The following DPYSL3 variants were observed in gnomAD, a reference collection of about 807,000 sequenced individuals.
The protein encoded by DPYSL3 is dihydropyrimidinase-related protein 3.
In DPYSL3, 16 loss-of-function variants were observed where a neutral mutation model predicts 66.1. The observed-to-expected ratio is 0.24, with a 90% CI of 0.16 to 0.37. The LOEUF is 0.37. Ranked by LOEUF, DPYSL3 falls within the 10% of genes least tolerant of loss-of-function variation. The pLI, the probability that DPYSL3 is intolerant of heterozygous loss-of-function variation, is 1.00. For missense variants in DPYSL3, 738 were observed against 916.2 expected (o/e 0.81, Z 2.51); for synonymous variants, 338 against 345.1 (o/e 0.98, Z 0.23).
At position 147,477,561 on chromosome 5, in the gene DPYSL3, CTTTTTTTTTTTTTTTT is replaced by C. The variant is rs56406515; in HGVS notation, c.381+31901_381+31916del. Among the ~76,000 whole-genome samples the C allele has an allele frequency of 6.2e-5, 4 of 64,762 alleles. No individual in the cohort carries two copies. In the South Asian group the frequency reaches 2.4e-3, roughly 39 times the overall value. The allele number at this position is 64,762 out of a possible 152,430, so 42.5% of individuals were successfully genotyped here. On this transcript the variant is annotated intron_variant, in intron 1 of 13. Transcript: ENST00000343218. Reference sequence around the variant, plus strand: ...GAAGGAAAAATAAAAACACCTAAATCTTTTTTTTTTTTTTTTTTTTTTTTTTTTTTTTGAGACGGAG... The same window carrying C: ...GAAGGAAAAATAAAAACACCTAAATCTTTTTTTTTTTTTTTTGAGACGGAG...
intron 1 of DPYSL3, among the ~76,000 whole-genome samples, chr5:147,458,328 C>T (rs1752882157): frequency 6.6e-6 from 1 of 152,188 alleles, no homozygotes; most frequent in South Asian, 2.1e-4. Context: ...CTGCTACACT[C>T]CCACCAGCGC....
rs1168157945 is a variant in DPYSL3 at position 147,393,042 on chromosome 5, T to C, written c.*993A>G. 6.6e-6 allele frequency: 1 copy of C among 152,220 alleles called. No individual in the cohort carries two copies. Among genetic ancestry groups the C allele is most frequent in the Non-Finnish European group, 1.5e-5 (1 of 68,042 alleles). The allele number at this position is 152,220 out of a possible 1,614,324, so 9.4% of individuals were successfully genotyped here. A position where few individuals can be genotyped will look rare whatever the true frequency, so the allele number is the denominator to read the frequency against. On this transcript the variant is annotated 3_prime_UTR_variant, in exon 14 of 14. Transcript: ENST00000343218. ...TGCCTGTAAGAGAGGCCCTTCATTCTGCCTCATCTGAGCTAAAATCCTGAC... is the reference window on the plus strand; with the variant it reads ...TGCCTGTAAGAGAGGCCCTTCATTCCGCCTCATCTGAGCTAAAATCCTGAC...
chr5:147,397,734 C>A lies in DPYSL3; in HGVS notation c.1735G>T (p.Ala579Ser). 6.2e-7 allele frequency: 1 copy of A among 1,614,076 alleles called. No homozygotes were observed. Among genetic ancestry groups the A allele is most frequent in the East Asian group, 2.2e-5 (1 of 44,862 alleles). Residue 579 changes from alanine (A) to serine (S), a missense_variant, in exon 12 of 14, where the codon GCT becomes TCT. By Grantham distance (99) the Ala-to-Ser change is moderately conservative. Transcript: ENST00000343218. ...GGGCTGCAGGGTATGAAGCGGCCAG[C>A]CCCCTGGGTCACGTGCAGGTTGCCA... ...EDGNLHVTQGAGRFIPCSPFS... is the reference protein window; with the variant it reads ...EDGNLHVTQGSGRFIPCSPFS...
intron 3 of DPYSL3, among the ~76,000 whole-genome samples, chr5:147,417,826 T>C (rs1752000828): frequency 6.6e-6 from 1 of 152,134 alleles, no homozygotes; most frequent in Admixed American, 6.5e-5. Context: ...TTGGTCAAAA[T>C]ACAGCGCAGA....
chr5:147,416,572 T>G (rs566081150), intron 3 of DPYSL3, among the ~76,000 whole-genome samples: 9 of 152,318 alleles, frequency 5.9e-5, no homozygotes, highest in Admixed American at 5.2e-4. Flanking sequence ...AGTTACACTT[T>G]CATAGTTCCC....
intron 1 of DPYSL3, among the ~76,000 whole-genome samples, chr5:147,501,548 G>C (rs552254716): frequency 4.4e-5 from 6 of 134,844 alleles, no homozygotes. Flanking sequence ...ATAGTGTCAC[G>C]ATCTGGGCTC....
intron 1 of DPYSL3, among the ~76,000 whole-genome samples, chr5:147,444,066 GAAGT>G (rs2126378260): frequency 6.6e-6 from 1 of 152,220 alleles, no homozygotes; most frequent in South Asian, 2.1e-4. Flanking sequence ...CCCTGGACTT[GAAGT>G]AAGTGAACTC....
intron 6 of DPYSL3, among the ~76,000 whole-genome samples, chr5:147,410,739 AT>A (rs1751835280): frequency 6.6e-6 from 1 of 152,188 alleles, no homozygotes; most frequent in South Asian, 2.1e-4. Context: ...TTCCTCTCTC[AT>A]ATACTCACTT....
chr5:147,454,855 ACTGTGGGTGGGGT>A (rs1752816307), intron 1 of DPYSL3, among the ~76,000 whole-genome samples: 1 of 152,208 alleles, frequency 6.6e-6, no homozygotes, highest in South Asian at 2.1e-4. Context: ...TGGAGAGGCC[ACTGTGGGTGGGGT>A]CTGAGTGGTG....
chr5:147,403,244 G>A (rs2152018052), intron 8 of DPYSL3, among the ~76,000 whole-genome samples: 1 of 152,254 alleles, frequency 6.6e-6, no homozygotes, highest in Middle Eastern at 3.4e-3. Flanking sequence ...CAAGTGATGA[G>A]AATTCAAGGG....
chr5:147,409,312 T>C (rs1009919442), intron 6 of DPYSL3, among the ~76,000 whole-genome samples: 2 of 152,248 alleles, frequency 1.3e-5, no homozygotes, highest in African/African-American at 4.8e-5. Flanking sequence ...CAGAATTGCC[T>C]GAATTGTTTT....
intron 5 of DPYSL3, 88 bp downstream of exon 5, chr5:147,413,508 A>G: frequency 3.9e-6 from 4 of 1,026,982 alleles, no homozygotes; most frequent in Non-Finnish European, 6.0e-6. Flanking sequence ...CAGTGACCAC[A>G]GTGATTCATG....
At chr5:147,404,439 T>G (rs932803166) in intron 8 of DPYSL3, among the ~76,000 whole-genome samples, 1 of 152,172 alleles carries the variant, frequency 6.6e-6, no homozygotes, top group African/African-American at 2.4e-5. Flanking sequence ...CTGCAATCAC[T>G]CACACGTGGA....
chr5:147,418,320 T>C (rs2126311654), intron 3 of DPYSL3, 127 bp downstream of exon 3: 2 of 954,384 alleles, frequency 2.1e-6, no homozygotes, highest in Middle Eastern at 3.4e-4. Context: ...TCAGGTCCCA[T>C]CAGGCAACAC....
rs555713981 is a variant in DPYSL3 at position 147,491,379 on chromosome 5, G to A, written c.381+18099C>T. 7.2e-5 allele frequency among the ~76,000 whole-genome samples: 11 copies of A among 152,154 alleles called. No homozygotes were observed. In the South Asian group the frequency reaches 1.7e-3, roughly 23 times the overall value. On this transcript the variant is annotated intron_variant, in intron 1 of 13. Transcript: ENST00000343218. The stretch of plus-strand genomic sequence containing the variant: ...CTTTTACTCAGTACATGGATCCACC[G>A]CTCAACAAAAAATTGCAAGGTATAC...
At chr5:147,401,747 C>G in intron 8 of DPYSL3, 51 bp from the exon 9 acceptor site, 3 of 1,604,652 alleles carry the variant, frequency 1.9e-6, no homozygotes, top group Non-Finnish European at 2.6e-6. Flanking sequence ...ATATGCTGCA[C>G]TGGGCCAAGC....
chr5:147,472,732 G>C (rs1753102859), intron 1 of DPYSL3: 1 of 152,082 alleles, frequency 6.6e-6, no homozygotes, highest in South Asian at 2.1e-4. Flanking sequence ...TTTCCAGGCT[G>C]ATCTCGTTTG....
At chr5:147,430,699 A>G (rs1273615846) in intron 1 of DPYSL3, among the ~76,000 whole-genome samples, 3 of 152,138 alleles carry the variant, frequency 2.0e-5, no homozygotes, top group Non-Finnish European at 4.4e-5. Flanking sequence ...CTAAAAGCCT[A>G]CTAGAGATGT....
intron 1 of DPYSL3, among the ~76,000 whole-genome samples, chr5:147,491,036 T>C (rs1443896674): frequency 6.6e-6 from 1 of 152,242 alleles, no homozygotes; most frequent in Non-Finnish European, 1.5e-5. Flanking sequence ...GAACAAGATA[T>C]GCTCTCTGAA....
Sources: gnomAD v4.1 joint callset for allele counts (sites outside exome capture counted in the v4.1 genomes callset) on GRCh38, gnomAD v4.1.1 for gene constraint, MANE v1.5 for transcripts, NCBI Gene and HGNC (gene_info 2026-07-23, HGNC 2026-07-21) for gene names.